The following PHACTR1 variants were observed in gnomAD, a reference collection of about 807,000 sequenced individuals.
The protein encoded by PHACTR1 is phosphatase and actin regulator 1, also known as RPEL repeat containing 1.
In PHACTR1, 16 loss-of-function variants were observed where a neutral mutation model predicts 69.2. That is an observed-to-expected ratio of 0.23 (90% confidence interval 0.16 to 0.35). PHACTR1 has a LOEUF of 0.35. PHACTR1 is among the 10% of genes least tolerant of loss of function. The pLI is 1.00. For synonymous variants in PHACTR1, 312 were observed against 284.5 expected, an observed-to-expected ratio of 1.10 and a Z score of -0.97; for missense variants, 510 against 734.7, an observed-to-expected ratio of 0.69 and a Z score of 3.54.
chr6:13,095,597 C>T (rs1490912278), intron 5 of PHACTR1, among the ~76,000 whole-genome samples: 2 of 152,030 alleles, frequency 1.3e-5, no homozygotes, highest in Non-Finnish European at 2.9e-5. Context: ...TAGGAATAGG[C>T]AGACTCAAAA....
At chr6:12,731,670 G>A (rs1432737240) in intron 3 of PHACTR1, among the ~76,000 whole-genome samples, 1 of 152,154 alleles carries the variant, frequency 6.6e-6, no homozygotes, top group African/African-American at 2.4e-5. Context: ...CCATTTTAGA[G>A]ATGAAGTAAT....
chr6:12,939,090 A>C (rs567345639), intron 4 of PHACTR1, among the ~76,000 whole-genome samples: 1 of 152,336 alleles, frequency 6.6e-6, no homozygotes, highest in East Asian at 1.9e-4. Context: ...ACAAAGATAA[A>C]CCTAGGACAT....
chr6:13,066,523 A>G (rs1467757936), intron 5 of PHACTR1, among the ~76,000 whole-genome samples: 3 of 152,228 alleles, frequency 2.0e-5, no homozygotes, highest in Non-Finnish European at 4.4e-5. Context: ...TTAAAAGCTC[A>G]GGTTGTTTGG....
chr6:13,081,487 G>C (rs974714517), intron 5 of PHACTR1, among the ~76,000 whole-genome samples: 3 of 152,094 alleles, frequency 2.0e-5, no homozygotes, highest in Non-Finnish European at 4.4e-5. Context: ...CACTGCTCCT[G>C]GTTACAACTA....
At chr6:13,022,423 G>A (rs1432900263) in intron 4 of PHACTR1, among the ~76,000 whole-genome samples, 2 of 152,320 alleles carry the variant, frequency 1.3e-5, no homozygotes, top group Admixed American at 6.5e-5. Context: ...GGTTGAGAAT[G>A]TTGTTTGCTA....
In PHACTR1 at chr6:13,227,996, T is replaced by C. The variant is rs1417211025; in HGVS notation, c.1167T>C (p.Ser389=). The C allele has an allele frequency of 6.2e-7, 1 of 1,614,016 alleles. No individual in the cohort carries two copies. Among genetic ancestry groups the C allele is most frequent in the South Asian group, 1.1e-5 (1 of 91,084 alleles). The change falls in exon 9 of 15, where the codon TCT becomes TCC. Residue 389 remains serine, a synonymous_variant. Transcript: ENST00000332995. ...VPHESDYEDS[S]CLYTREEEEE... ...ATGAGTCAGACTACGAAGACTCTTC[T>C]TGCCTGTATACAAGAGAAGAGGAGG...
At chr6:13,141,101 A>C (rs892367579) in intron 5 of PHACTR1, among the ~76,000 whole-genome samples, 4 of 152,210 alleles carry the variant, frequency 2.6e-5, no homozygotes, top group African/African-American at 9.7e-5. Flanking sequence ...GCCAGAAAGA[A>C]AAAGAAAATG....
chr6:13,210,674 C>T (rs563654636), intron 8 of PHACTR1, among the ~76,000 whole-genome samples: 21 of 152,148 alleles, frequency 1.4e-4, no homozygotes, highest in Non-Finnish European at 2.9e-4. Flanking sequence ...CCAGCAGCCT[C>T]ATTAGGGTCA....
chr6:13,004,027 A>T (rs572612439), intron 4 of PHACTR1, among the ~76,000 whole-genome samples: 31 of 140,918 alleles, frequency 2.2e-4, no homozygotes, highest in Non-Finnish European at 4.1e-4. Context: ...CTGTTGATGA[A>T]CATTTAGGTT....
intron 6 of PHACTR1, among the ~76,000 whole-genome samples, chr6:13,178,937 A>G (rs1264183993): frequency 6.6e-6 from 1 of 152,206 alleles, no homozygotes; most frequent in Non-Finnish European, 1.5e-5. Context: ...TAAAGATGCT[A>G]ATAAACATTA....
At chr6:13,235,135 C>T (rs1438625918) in intron 10 of PHACTR1, among the ~76,000 whole-genome samples, 1 of 152,196 alleles carries the variant, frequency 6.6e-6, no homozygotes, top group Non-Finnish European at 1.5e-5. Context: ...TGTCACTTCT[C>T]AGTGCTACAT....
At chr6:12,904,329 C>T (rs1785494683) in intron 4 of PHACTR1, among the ~76,000 whole-genome samples, 1 of 151,920 alleles carries the variant, frequency 6.6e-6, no homozygotes, top group Admixed American at 6.6e-5. Flanking sequence ...GTCAGGAGTT[C>T]AAGACCAGCC....
intron 5 of PHACTR1, among the ~76,000 whole-genome samples, chr6:13,120,348 A>G (rs943934050): frequency 1.3e-5 from 2 of 152,114 alleles, no homozygotes; most frequent in Non-Finnish European, 2.9e-5. Context: ...TTGAATAACA[A>G]GGGGCCCCAC....
intron 5 of PHACTR1, among the ~76,000 whole-genome samples, chr6:13,074,214 A>G (rs922598042): frequency 6.6e-6 from 1 of 152,170 alleles, no homozygotes; most frequent in African/African-American, 2.4e-5. Flanking sequence ...AAGGATATGA[A>G]CCAGCAAGTC....
At position 12,819,972 on chromosome 6, in the gene PHACTR1, C is replaced by T. The variant is rs73360088; in HGVS notation, c.250+70182C>T. On this transcript the variant is annotated intron_variant, in intron 4 of 14. Coordinates refer to ENST00000332995, the MANE Select transcript of PHACTR1 (RefSeq NM_030948.6). ...CTTCCTTTCTGCTGCTGCCTAAATA[C>T]GTAGCAACTCATTTCCTAGGAAACA... is the stretch of plus-strand genomic sequence containing the variant. Among the ~76,000 whole-genome samples the T allele has an allele frequency of 3.5e-3, 532 of 152,230 alleles. 1 individual carries two copies. Among genetic ancestry groups the T allele is most frequent in the African/African-American group, 0.012 (486 of 41,538 alleles).
intron 5 of PHACTR1, among the ~76,000 whole-genome samples, chr6:13,152,327 C>T (rs947563574): frequency 6.6e-6 from 1 of 151,640 alleles, no homozygotes; most frequent in Non-Finnish European, 1.5e-5. Flanking sequence ...GAGCAAGACT[C>T]CGTCTCAAAA....
rs538177056 is a variant in PHACTR1, at chr6:13,017,012, C to T, written c.251-36353C>T. On this transcript the variant is annotated intron_variant, in intron 4 of 14. Transcript: ENST00000332995. ...GACCAGCATGGCCCACAGGATGAAACCCTGTCTCTACTAAAAATACAAAAA... is the reference window on the plus strand; with the variant it reads ...GACCAGCATGGCCCACAGGATGAAATCCTGTCTCTACTAAAAATACAAAAA... Among the ~76,000 whole-genome samples, 22 of 152,098 alleles carry T rather than the reference C, an allele frequency of 1.4e-4. No homozygotes were observed. The South Asian group carries it at 3.7e-3, about 26-fold the overall frequency.
Position 12,897,821 on chromosome 6 carries a change from T to C in PHACTR1, c.250+148031T>C, listed in dbSNP as rs145133729. Among the ~76,000 whole-genome samples the C allele has an allele frequency of 8.1e-3, 1,234 of 152,166 alleles. 15 individuals carry two copies. Among genetic ancestry groups the C allele is most frequent in the African/African-American group, 0.028 (1,176 of 41,456 alleles). On this transcript the variant is annotated intron_variant, in intron 4 of 14. Transcript: ENST00000332995. Reference sequence around the variant, plus strand: ...TGGTGGTTTGCTGCACTCATCAACCTATCACCTACATTAGGTATTTCTCCT... The same window carrying C: ...TGGTGGTTTGCTGCACTCATCAACCCATCACCTACATTAGGTATTTCTCCT...
chr6:13,194,491 A>G lies in PHACTR1; in HGVS notation c.665-11324A>G, dbSNP rs535121663. Among the ~76,000 whole-genome samples the G allele has an allele frequency of 5.1e-3, 773 of 152,138 alleles. 9 individuals are homozygous for G. Among genetic ancestry groups the G allele is most frequent in the African/African-American group, 0.018 (746 of 41,508 alleles). ...TGTAATTTTATTGAAGAAAAAAAAA[A>G]AAACTAACTGAATTACATGCCCTGC... On this transcript the variant is annotated intron_variant, in intron 7 of 14. Coordinates refer to ENST00000332995, the MANE Select transcript of PHACTR1 (RefSeq NM_030948.6).
Sources: allele counts gnomAD v4.1 joint callset (sites outside exome capture counted in the v4.1 genomes callset), GRCh38; gene constraint gnomAD v4.1.1; transcripts MANE v1.5; gene names NCBI Gene and HGNC (gene_info 2026-07-23, HGNC 2026-07-21).